Variants in TAF4B observed in about 807,000 individuals in gnomAD.
TAF4B encodes the protein TATA-box binding protein associated factor 4b, also known as transcription initiation factor TFIID subunit 4B.
A neutral mutation model predicts 86.4 loss-of-function variants in TAF4B; 38 were observed. The ratio of observed to expected loss-of-function variants is 0.44; its 90% CI spans 0.34 to 0.58. TAF4B has a LOEUF of 0.58. TAF4B is among the 20% of genes least tolerant of loss of function. The pLI is 0.02. For missense variants in TAF4B, 988 were observed against 1,027.6 expected (o/e 0.96, Z 0.53); for synonymous variants, 388 against 391.2 (o/e 0.99, Z 0.10).
rs1568148017 is a variant in TAF4B at position 26,315,147 on chromosome 18, T to TACACACA, written c.1833-82_1833-81insACACACA. 4 of 325,082 alleles carry TACACACA rather than the reference T, an allele frequency of 1.2e-5. No homozygotes were observed. The African/African-American group carries it at 3.2e-4, about 26-fold the overall frequency. 20.1% of individuals were successfully genotyped at this position (325,082 alleles called of 1,614,324 possible). On this transcript the variant is annotated intron_variant, in intron 9 of 14. Coordinates refer to ENST00000269142, the MANE Select transcript of TAF4B (RefSeq NM_005640.3). ...CTCTCTCTCTCTCTCTCTCTCTCTG[T>TACACACA]CTCTCTCTCTCTCTCACACACACAC...
At chr18:26,327,765 T>C (rs1568155338) in intron 12 of TAF4B, among the ~76,000 whole-genome samples, 2 of 152,202 alleles carry the variant, frequency 1.3e-5, no homozygotes, top group Non-Finnish European at 2.9e-5. Context: ...GTTTGTTTTT[T>C]AGTAGAGACA....
chr18:26,271,918 C>T (rs535440387), intron 3 of TAF4B, among the ~76,000 whole-genome samples: 1 of 141,606 alleles, frequency 7.1e-6, no homozygotes, highest in African/African-American at 2.7e-5. Context: ...CAGAGCCAGA[C>T]TCCGTCTCAA....
chr18:26,266,995 G>GT (rs1362663212), intron 2 of TAF4B: 3 of 152,074 alleles, frequency 2.0e-5, no homozygotes, highest in Admixed American at 1.3e-4. Flanking sequence ...AGATTGCATT[G>GT]TTTTTTATAA....
At chr18:26,241,231 G>A (rs1481538916) in intron 1 of TAF4B, among the ~76,000 whole-genome samples, 2 of 152,172 alleles carry the variant, frequency 1.3e-5, no homozygotes, top group Non-Finnish European at 2.9e-5. Flanking sequence ...TTTTTGGTTG[G>A]TAGGCTATTA....
At chr18:26,345,589 G>A (rs1221718627) in intron 13 of TAF4B, among the ~76,000 whole-genome samples, 2 of 152,190 alleles carry the variant, frequency 1.3e-5, no homozygotes, top group African/African-American at 4.8e-5. Context: ...TATGTCACTA[G>A]TATGGATTAC....
Position 26,321,134 on chromosome 18 carries a change from G to C in TAF4B, c.2067G>C (p.Gln689His). The C allele has an allele frequency of 1.2e-6, 2 of 1,613,872 alleles. No individual in the cohort carries two copies. The highest frequency in any genetic ancestry group is 1.7e-6 in the Non-Finnish European group (2 of 1,179,856). The change falls in exon 11 of 15, where the codon CAG becomes CAC. Residue 689 changes from glutamine to histidine, a missense_variant. Gln to His is a conservative substitution (Grantham distance 24). This residue lies in a region of TAF4B where 216 missense variants were observed against 238.4 expected (regional missense o/e 0.91). Coordinates refer to ENST00000269142, the MANE Select transcript of TAF4B (RefSeq NM_005640.3). Reference protein sequence around the residue: ...DAVNLISQATQERLRGLLEKL... With the variant: ...DAVNLISQATHERLRGLLEKL... ...TGAACTTGATCTCCCAAGCAACACA[G>C]GAACGACTACGAGGCCTTCTAGAAA...
chr18:26,357,984 G>T (rs1223284059), intron 14 of TAF4B, among the ~76,000 whole-genome samples, 190 bp downstream of exon 14: 2 of 152,086 alleles, frequency 1.3e-5, no homozygotes. Context: ...CCTTGAACTT[G>T]TTACTTATTT....
chr18:26,367,574 T>G (rs1419249538), intron 14 of TAF4B, among the ~76,000 whole-genome samples: 1 of 152,194 alleles, frequency 6.6e-6, no homozygotes, highest in Non-Finnish European at 1.5e-5. Context: ...TTATTCAGTC[T>G]GCTGATTCAA....
At chr18:26,285,210 C>CTTTTTTTTT (rs113394710) in intron 6 of TAF4B, among the ~76,000 whole-genome samples, 31 of 42,494 alleles carry the variant, frequency 7.3e-4, no homozygotes, top group Admixed American at 1.3e-3. Flanking sequence ...TCTTCCTTTC[C>CTTTTTTTTT]TTTTTTTTTT....
chr18:26,341,019 G>A (rs2057131109), intron 13 of TAF4B, among the ~76,000 whole-genome samples: 1 of 152,010 alleles, frequency 6.6e-6, no homozygotes, highest in Non-Finnish European at 1.5e-5. Flanking sequence ...TAAGAAGATT[G>A]CGTGCATACT....
At chr18:26,355,453 T>A (rs1333481587) in intron 13 of TAF4B, among the ~76,000 whole-genome samples, 2 of 152,364 alleles carry the variant, frequency 1.3e-5, no homozygotes, top group East Asian at 3.8e-4. Context: ...CCTCCTTTTC[T>A]GGTTAAAAGT....
chr18:26,377,934 A>T (rs1598840888), intron 14 of TAF4B, among the ~76,000 whole-genome samples: 1 of 152,192 alleles, frequency 6.6e-6, no homozygotes, highest in African/African-American at 2.4e-5. Context: ...CTTGGAAGTT[A>T]AGTAAGTAAA....
At chr18:26,336,811 A>G (rs935733778) in intron 13 of TAF4B, among the ~76,000 whole-genome samples, 3 of 152,230 alleles carry the variant, frequency 2.0e-5, no homozygotes, top group African/African-American at 4.8e-5. Flanking sequence ...AAAATGTGCA[A>G]CAGAAAGCTT....
intron 1 of TAF4B, among the ~76,000 whole-genome samples, chr18:26,254,476 C>T (rs1309471912): frequency 2.0e-5 from 3 of 152,016 alleles, no homozygotes; most frequent in Non-Finnish European, 2.9e-5. Context: ...TGAAGTAATC[C>T]GGAGCTGGAA....
intron 13 of TAF4B, among the ~76,000 whole-genome samples, chr18:26,346,877 G>A (rs12969983): frequency 2.3e-3 from 15 of 6,602 alleles, no homozygotes; most frequent in Non-Finnish European, 2.9e-3. Flanking sequence ...ATATATATGT[G>A]TATATATATA....
chr18:26,242,787 C>A (rs1372988622), intron 1 of TAF4B, among the ~76,000 whole-genome samples: 3 of 152,188 alleles, frequency 2.0e-5, no homozygotes, highest in Admixed American at 6.5e-5. Flanking sequence ...CTGGTGGTGA[C>A]AAAATCTCTC....
At chr18:26,332,910 T>C (rs1224743080) in intron 12 of TAF4B, among the ~76,000 whole-genome samples, 1 of 152,020 alleles carries the variant, frequency 6.6e-6, no homozygotes, top group Non-Finnish European at 1.5e-5. Context: ...ATCTCCAGCC[T>C]TTCTCTTTCA....
At chr18:26,309,400 G>T (rs1014620580) in intron 9 of TAF4B, among the ~76,000 whole-genome samples, 1 of 151,534 alleles carries the variant, frequency 6.6e-6, no homozygotes, top group African/African-American at 2.4e-5. Flanking sequence ...GGAGATACAT[G>T]TAATTTTGGA....
chr18:26,289,410 T>C (rs2056565195), intron 7 of TAF4B, among the ~76,000 whole-genome samples: 1 of 152,256 alleles, frequency 6.6e-6, no homozygotes, highest in Non-Finnish European at 1.5e-5. Flanking sequence ...TTACTTCCTT[T>C]AATAATCATG....
Sources: gnomAD v4.1 joint callset for allele counts (sites outside exome capture counted in the v4.1 genomes callset) on GRCh38, gnomAD v4.1.1 for gene constraint, gnomAD v4.1.1 regional missense constraint, MANE v1.5 for transcripts, NCBI Gene and HGNC (gene_info 2026-07-23, HGNC 2026-07-21) for gene names.